Variants in CADPS observed in about 807,000 individuals in gnomAD.
The protein encoded by CADPS is calcium-dependent secretion activator 1.
In CADPS, 57 loss-of-function variants were observed where a neutral mutation model predicts 167.3. The observed-to-expected ratio is 0.34, with a 90% CI of 0.28 to 0.42. The LOEUF (loss-of-function observed/expected upper bound fraction) is 0.42, where lower values mean the gene tolerates loss of function less well. CADPS is among the 20% of genes least tolerant of loss of function. The pLI is 1.00. For missense variants in CADPS, 1,414 were observed against 1,738.1 expected, an observed-to-expected ratio of 0.81 and a Z score of 3.32; for synonymous variants, 676 against 635.3, an observed-to-expected ratio of 1.06 and a Z score of -0.96.
intron 3 of CADPS, among the ~76,000 whole-genome samples, chr3:62,715,706 A>T (rs1317977154): frequency 6.7e-6 from 1 of 149,020 alleles, no homozygotes; most frequent in Admixed American, 6.7e-5. Flanking sequence ...AGAAAATAAT[A>T]GATTGTAATA....
chr3:62,657,805 T>C (rs2072080130), intron 4 of CADPS, among the ~76,000 whole-genome samples: 1 of 152,224 alleles, frequency 6.6e-6, no homozygotes, highest in South Asian at 2.1e-4. Flanking sequence ...TTTGCCTCCC[T>C]TCCCTCCTAG....
At chr3:62,642,991 C>A (rs1347249307) in intron 6 of CADPS, among the ~76,000 whole-genome samples, 1 of 151,852 alleles carries the variant, frequency 6.6e-6, no homozygotes, top group Non-Finnish European at 1.5e-5. Context: ...CAAAACAAAA[C>A]CACTTGGAGG....
At chr3:62,564,832 C>T (rs1007694127) in intron 9 of CADPS, among the ~76,000 whole-genome samples, 1 of 152,114 alleles carries the variant, frequency 6.6e-6, no homozygotes, top group Non-Finnish European at 1.5e-5. Flanking sequence ...GTCTCGAACT[C>T]CTGACCTTGT....
chr3:62,762,891 T>C (rs1576034273), intron 2 of CADPS, among the ~76,000 whole-genome samples: 1 of 152,264 alleles, frequency 6.6e-6, no homozygotes, highest in East Asian at 1.9e-4. Context: ...TTATTGCTGT[T>C]ACACTATTTT....
intron 7 of CADPS, among the ~76,000 whole-genome samples, chr3:62,590,256 G>A (rs186604119): frequency 2.6e-5 from 4 of 152,060 alleles, no homozygotes; most frequent in East Asian, 1.9e-4. Context: ...TGTGGACCCA[G>A]GTTGAGCATC....
intron 13 of CADPS, among the ~76,000 whole-genome samples, chr3:62,522,192 A>G (rs920603922): frequency 6.6e-6 from 1 of 152,112 alleles, no homozygotes; most frequent in Non-Finnish European, 1.5e-5. Flanking sequence ...GGTGGAGTGC[A>G]GTGGCGCAAT....
intron 6 of CADPS, among the ~76,000 whole-genome samples, chr3:62,618,791 A>G (rs1016723887): frequency 1.3e-5 from 2 of 152,224 alleles, no homozygotes; most frequent in Admixed American, 6.5e-5. Flanking sequence ...TTAATAGAAC[A>G]TAGAGTAGTT....
At chr3:62,749,348 T>C (rs1467375893) in intron 3 of CADPS, among the ~76,000 whole-genome samples, 1 of 152,202 alleles carries the variant, frequency 6.6e-6, no homozygotes, top group East Asian at 1.9e-4. Flanking sequence ...TGGCAGTTAC[T>C]GGCAGAACCT....
intron 3 of CADPS, among the ~76,000 whole-genome samples, chr3:62,743,888 A>G (rs2080871919): frequency 1.3e-5 from 2 of 152,194 alleles, no homozygotes; most frequent in African/African-American, 4.8e-5. Flanking sequence ...GAGATTCATA[A>G]AAGACTTAGC....
chr3:62,563,169 A>G (rs1045913522), intron 9 of CADPS, among the ~76,000 whole-genome samples: 1 of 151,080 alleles, frequency 6.6e-6, no homozygotes, highest in Non-Finnish European at 1.5e-5. Flanking sequence ...TTGATATCTG[A>G]TAACCAGACT....
chr3:62,566,760 G>A (rs1404586169), intron 9 of CADPS, among the ~76,000 whole-genome samples: 4 of 152,142 alleles, frequency 2.6e-5, no homozygotes, highest in Non-Finnish European at 5.9e-5. Flanking sequence ...CGTCACCTCT[G>A]TGTGTCACAG....
intron 1 of CADPS, among the ~76,000 whole-genome samples, chr3:62,852,976 T>C (rs941552601): frequency 9.9e-5 from 15 of 152,254 alleles, no homozygotes; most frequent in East Asian, 1.9e-4. Flanking sequence ...ACTTGACTAA[T>C]AACATTTTCT....
intron 3 of CADPS, among the ~76,000 whole-genome samples, chr3:62,674,408 G>A (rs185111198): frequency 3.5e-4 from 54 of 152,224 alleles, no homozygotes; most frequent in South Asian, 1.2e-3. Flanking sequence ...CTACCTACAT[G>A]TATCATTATC....
chr3:62,561,482 G>A (rs1194819092), intron 9 of CADPS, among the ~76,000 whole-genome samples: 2 of 151,340 alleles, frequency 1.3e-5, no homozygotes, highest in Non-Finnish European at 2.9e-5. Context: ...TGTTACCTAG[G>A]CTGGTTTGAA....
intron 3 of CADPS, among the ~76,000 whole-genome samples, chr3:62,673,457 A>G (rs77699771): frequency 0.16 from 23,725 of 152,224 alleles, 1,959 homozygotes; most frequent in Middle Eastern, 0.23. Flanking sequence ...GAACCAATTA[A>G]ACTCTGGGAG....
chr3:62,840,012 G>A (rs1344158706), intron 1 of CADPS, among the ~76,000 whole-genome samples: 1 of 152,150 alleles, frequency 6.6e-6, no homozygotes, highest in South Asian at 2.1e-4. Flanking sequence ...GACATACTGA[G>A]TTGAATTAAA....
At chr3:62,868,623 T>C (rs1233667582) in intron 1 of CADPS, among the ~76,000 whole-genome samples, 3 of 152,146 alleles carry the variant, frequency 2.0e-5, no homozygotes, top group Non-Finnish European at 4.4e-5. Flanking sequence ...GGCCACAGTT[T>C]GCAATCTCTC....
intron 9 of CADPS, among the ~76,000 whole-genome samples, chr3:62,560,082 T>C (rs2078887478): frequency 1.3e-5 from 2 of 152,080 alleles, no homozygotes; most frequent in South Asian, 4.1e-4. Flanking sequence ...ACAAACTGAA[T>C]TGCTTTGAGT....
chr3:62,792,527 T>C (rs932435661), intron 1 of CADPS, among the ~76,000 whole-genome samples: 14 of 152,040 alleles, frequency 9.2e-5, no homozygotes, highest in African/African-American at 3.4e-4. Flanking sequence ...AAATGTCATG[T>C]CCTCTGCCAC....
Sources: gnomAD v4.1 joint callset for allele counts (sites outside exome capture counted in the v4.1 genomes callset) on GRCh38, gnomAD v4.1.1 for gene constraint, MANE v1.5 for transcripts, NCBI Gene and HGNC (gene_info 2026-07-23, HGNC 2026-07-21) for gene names.